Variants in TBC1D8 observed in about 807,000 individuals in gnomAD.
The protein encoded by TBC1D8 is TBC1 domain family member 8.
A neutral mutation model predicts 118.8 loss-of-function variants in TBC1D8; 65 were observed. The ratio of observed to expected loss-of-function variants is 0.55; its 90% CI spans 0.45 to 0.67. The LOEUF (loss-of-function observed/expected upper bound fraction) is 0.67. Among genes scored for constraint, TBC1D8 ranks in the 30% least tolerant of loss-of-function variants. TBC1D8 has a pLI of 0.00. For missense variants in TBC1D8, 1,376 were observed against 1,471.2 expected, an observed-to-expected ratio of 0.94 and a Z score of 1.06; for synonymous variants, 566 against 595.8, an observed-to-expected ratio of 0.95 and a Z score of 0.73.
intron 1 of TBC1D8, among the ~76,000 whole-genome samples, chr2:101,118,653 C>T (rs1677956760): frequency 6.7e-6 from 1 of 148,260 alleles, no homozygotes. Context: ...GCCGAGATGG[C>T]GCCACTGCAC....
At chr2:101,029,835 C>G (rs1163190358) in intron 11 of TBC1D8, 59 bp from the exon 12 acceptor site, 10 of 1,536,334 alleles carry the variant, frequency 6.5e-6, no homozygotes, top group African/African-American at 1.4e-5. Context: ...TAAGGTCAGT[C>G]TGAAATTAAA....
chr2:101,127,078 T>C (rs907333912), intron 1 of TBC1D8, among the ~76,000 whole-genome samples: 4 of 152,224 alleles, frequency 2.6e-5, no homozygotes, highest in Admixed American at 6.5e-5. Context: ...GGTTGATACC[T>C]GTAATTCCAG....
At chr2:101,043,629 G>A (rs890746831) in intron 5 of TBC1D8, among the ~76,000 whole-genome samples, 2 of 152,210 alleles carry the variant, frequency 1.3e-5, no homozygotes, top group South Asian at 2.1e-4. Context: ...ATTTTGCACC[G>A]AATCCCTCAA....
At chr2:101,149,212 A>T (rs1222302111) in intron 1 of TBC1D8, among the ~76,000 whole-genome samples, 1 of 152,176 alleles carries the variant, frequency 6.6e-6, no homozygotes, top group Non-Finnish European at 1.5e-5. Flanking sequence ...ACCGAAGTAA[A>T]TATCAAGGAA....
At chr2:101,029,919 C>G in intron 11 of TBC1D8, 143 bp from the exon 12 acceptor site, 1 of 811,000 alleles carries the variant, frequency 1.2e-6, no homozygotes, top group Non-Finnish European at 1.9e-6. Flanking sequence ...TTCATTGATT[C>G]TGACTTTTAG....
intron 15 of TBC1D8, among the ~76,000 whole-genome samples, chr2:101,024,375 C>G (rs373590776): frequency 3.3e-5 from 5 of 150,752 alleles, no homozygotes; most frequent in African/African-American, 9.8e-5. Context: ...GAAATGAGTC[C>G]TCTTAGACAC....
At chr2:101,073,271 T>TTTA (rs1674578107) in intron 2 of TBC1D8, among the ~76,000 whole-genome samples, 1 of 150,268 alleles carries the variant, frequency 6.7e-6, no homozygotes, top group African/African-American at 2.4e-5. Flanking sequence ...TTTTTTTTAT[T>TTTA]TTTTATTTTA....
At chr2:101,135,186 G>A (rs1361695489) in intron 1 of TBC1D8, among the ~76,000 whole-genome samples, 1 of 152,008 alleles carries the variant, frequency 6.6e-6, no homozygotes, top group African/African-American at 2.4e-5. Context: ...AAAGAAAAAA[G>A]AAACAAGAAA....
intron 1 of TBC1D8, among the ~76,000 whole-genome samples, chr2:101,094,248 A>C (rs1018111783): frequency 6.6e-6 from 1 of 152,186 alleles, no homozygotes; most frequent in Non-Finnish European, 1.5e-5. Flanking sequence ...AGGAGGCTGG[A>C]AACCTGTCTA....
At chr2:101,079,048 A>C (rs1675071887) in intron 2 of TBC1D8, among the ~76,000 whole-genome samples, 2 of 152,228 alleles carry the variant, frequency 1.3e-5, no homozygotes, top group South Asian at 4.1e-4. Context: ...GGGTCAGACC[A>C]GCAAAACTGG....
At chr2:101,014,965 C>CT (rs1679504406) in intron 17 of TBC1D8, among the ~76,000 whole-genome samples, 1 of 150,032 alleles carries the variant, frequency 6.7e-6, no homozygotes, top group Non-Finnish European at 1.5e-5. Flanking sequence ...TCTGTGAAAT[C>CT]TATTATTTTA....
rs373100459 is a variant in TBC1D8, at chr2:101,079,929, G to A, written c.283+10280C>T. ...TCTCGATCTCCTGACCTCATGATCC[G>A]CCTGCTTAGGCCTCCCAAAGTGCTG... On this transcript the variant is annotated intron_variant, in intron 2 of 19. Coordinates refer to ENST00000409318, the MANE Select transcript of TBC1D8 (RefSeq NM_001330348.2). Among the ~76,000 whole-genome samples, 58 of 151,900 alleles carry A rather than the reference G, an allele frequency of 3.8e-4. 1 individual carries two copies. Among genetic ancestry groups the A allele is most frequent in the African/African-American group, 1.2e-3 (49 of 41,412 alleles).
intron 2 of TBC1D8, among the ~76,000 whole-genome samples, chr2:101,077,969 G>T (rs1428438355): frequency 6.6e-6 from 1 of 152,128 alleles, no homozygotes; most frequent in African/African-American, 2.4e-5. Flanking sequence ...TGTCTGTTCA[G>T]ATTTTTGCAT....
At chr2:101,024,617 G>C (rs1194972039) in intron 15 of TBC1D8, among the ~76,000 whole-genome samples, 2 of 152,108 alleles carry the variant, frequency 1.3e-5, no homozygotes, top group African/African-American at 2.4e-5. Flanking sequence ...ATGTTGGTCA[G>C]GCTGGTCTCA....
chr2:101,148,779 G>C (rs904685055), intron 1 of TBC1D8, among the ~76,000 whole-genome samples: 1 of 152,092 alleles, frequency 6.6e-6, no homozygotes, highest in Non-Finnish European at 1.5e-5. Flanking sequence ...CCAAACAAAA[G>C]TCTACAACCT....
chr2:101,064,964 G>GC (rs1322638513), intron 2 of TBC1D8, among the ~76,000 whole-genome samples: 1 of 152,182 alleles, frequency 6.6e-6, no homozygotes, highest in African/African-American at 2.4e-5. Context: ...CTCGGGCCTG[G>GC]CTCTGCCCAT....
At chr2:101,041,430 A>T (rs1402231660) in intron 5 of TBC1D8, among the ~76,000 whole-genome samples, 1 of 152,250 alleles carries the variant, frequency 6.6e-6, no homozygotes, top group East Asian at 1.9e-4. Context: ...AGTAAACCAG[A>T]CACAAAAAGA....
At chr2:101,059,687 T>G in intron 2 of TBC1D8, 148 bp from the exon 3 acceptor site, 1 of 626,160 alleles carries the variant, frequency 1.6e-6, no homozygotes, top group Non-Finnish European at 2.7e-6. Flanking sequence ...ACGCCTGTAA[T>G]CCCAGGACTT....
At chr2:101,131,121 T>A (rs770247803) in intron 1 of TBC1D8, among the ~76,000 whole-genome samples, 1 of 152,190 alleles carries the variant, frequency 6.6e-6, no homozygotes. Flanking sequence ...CAGGCTGGTC[T>A]TGAACTCCTT....
Sources: allele counts gnomAD v4.1 joint callset (sites outside exome capture counted in the v4.1 genomes callset), GRCh38; gene constraint gnomAD v4.1.1; transcripts MANE v1.5; gene names NCBI Gene and HGNC (gene_info 2026-07-23, HGNC 2026-07-21).